The following CUEDC1 variants were observed in gnomAD, a reference collection of about 807,000 sequenced individuals.
The protein encoded by CUEDC1 is CUE domain-containing protein 1.
Under a neutral mutation model 43.7 loss-of-function variants are expected in CUEDC1, and 30 were observed. The observed-to-expected ratio is 0.69, with a 90% CI of 0.51 to 0.93. The LOEUF (loss-of-function observed/expected upper bound fraction) is 0.93. Ranked by LOEUF, CUEDC1 falls within the 40% of genes least tolerant of loss-of-function variation. CUEDC1 has a pLI of 0.00. For missense variants in CUEDC1, 486 were observed against 549.0 expected, an observed-to-expected ratio of 0.89 and a Z score of 1.15; for synonymous variants, 223 against 223.6, an observed-to-expected ratio of 1.00 and a Z score of 0.02.
Position 57,868,155 on chromosome 17 carries a change from A to T in CUEDC1, c.1029T>A (p.His343Gln). 3.1e-6 allele frequency: 5 copies of T among 1,613,630 alleles called. No individual in the cohort carries two copies. Among genetic ancestry groups the T allele is most frequent in the Non-Finnish European group, 2.5e-6 (3 of 1,179,514 alleles). The change falls in exon 8 of 11, where the codon CAT (histidine) becomes CAA (glutamine). Residue 343 changes from histidine to glutamine, a missense_variant. Physicochemically the swap from His to Gln is conservative, Grantham distance 24. Transcript: ENST00000577830. ...RKSKRKHLLK[H>Q]QSLGAAASTA... ...TGCCAGGCTGGAAAGGATACGACTG[A>T]TGCTTCAACAAGTGTTTCCTCTTTG...
chr17:57,921,087 C>T (rs1413471506), intron 1 of CUEDC1, among the ~76,000 whole-genome samples: 1 of 152,258 alleles, frequency 6.6e-6, no homozygotes, highest in Non-Finnish European at 1.5e-5. Flanking sequence ...CAGCCTCTGA[C>T]TGTGGAAAGC....
At chr17:57,887,699 T>TAAC in intron 1 of CUEDC1, among the ~76,000 whole-genome samples, 1 of 118,422 alleles carries the variant, frequency 8.4e-6, no homozygotes, top group Admixed American at 9.7e-5. Context: ...CAGATGGGGT[T>TAAC]TTGCCATGTT....
At chr17:57,880,849 G>T (rs2074194893) in intron 2 of CUEDC1, among the ~76,000 whole-genome samples, 2 of 104,434 alleles carry the variant, frequency 1.9e-5, no homozygotes, top group South Asian at 2.9e-4. Flanking sequence ...CACCATAGGG[G>T]CGGCCCCTGA....
At chr17:57,886,294 T>C (rs932240070) in intron 1 of CUEDC1, among the ~76,000 whole-genome samples, 1 of 152,192 alleles carries the variant, frequency 6.6e-6, no homozygotes, top group African/African-American at 2.4e-5. Context: ...CAAAGACCCC[T>C]GAAGACCTGA....
chr17:57,873,442 G>T, intron 4 of CUEDC1, 149 bp downstream of exon 4: 1 of 911,456 alleles, frequency 1.1e-6, no homozygotes. Context: ...TTTCAGTTCA[G>T]CATTCCTGCC....
intron 1 of CUEDC1, among the ~76,000 whole-genome samples, chr17:57,946,287 C>T (rs528284158): frequency 9.2e-5 from 14 of 152,250 alleles, no homozygotes; most frequent in African/African-American, 3.1e-4. Context: ...TCTCTCTTTT[C>T]AAAATAAAAT....
chr17:57,933,598 C>T (rs908278212), intron 1 of CUEDC1, among the ~76,000 whole-genome samples: 5 of 152,202 alleles, frequency 3.3e-5, no homozygotes, highest in East Asian at 3.8e-4. Context: ...AGCCTTGGAA[C>T]GAGACTGCTC....
intron 1 of CUEDC1, among the ~76,000 whole-genome samples, chr17:57,890,478 T>C (rs2074343335): frequency 6.6e-6 from 1 of 152,102 alleles, no homozygotes; most frequent in Admixed American, 6.5e-5. Context: ...AACAACCCAC[T>C]GGGCTCATCA....
intron 6 of CUEDC1, among the ~76,000 whole-genome samples, chr17:57,869,542 T>C (rs2074008128): frequency 6.6e-6 from 1 of 152,146 alleles, no homozygotes; most frequent in Non-Finnish European, 1.5e-5. Context: ...GCACTACATA[T>C]CAGGCTCCCG....
rs768094888 is a variant in CUEDC1, at chr17:57,872,993, C to G, written c.592-138G>C. ...CTGAGGCTCACACCTCCTAATGGAA[C>G]CTGGTTGCGAGCCAAAATCCAACGG... On this transcript the variant is annotated intron_variant, in intron 4 of 10. Transcript: ENST00000577830. The G allele has an allele frequency of 3.2e-5, 26 of 812,440 alleles. No individual in the cohort carries two copies. The Middle Eastern group carries it at 4.4e-3, about 137-fold the overall frequency. 50.3% of individuals were successfully genotyped at this position (812,440 alleles called of 1,614,324 possible). A position where few individuals can be genotyped will look rare whatever the true frequency, so the allele number is the denominator to read the frequency against.
rs2075041190 is a variant in CUEDC1, at chr17:57,954,839, G to C, written c.-316+386C>G. ...GCGCCCACACAAAAGGGGGAGCGGC[G>C]GGAGAGGGGACTCGGGCGAAGCCGG... is the stretch of plus-strand genomic sequence containing the variant. On this transcript the variant is annotated intron_variant, in intron 1 of 10. Coordinates refer to ENST00000577830, the MANE Select transcript of CUEDC1 (RefSeq NM_001271875.2). This position sits in a 1 kb window ranked among gnomAD's most constrained non-coding sequence, Gnocchi z 4.3. Among the ~76,000 whole-genome samples the C allele has an allele frequency of 6.6e-6, 1 of 151,978 alleles. No homozygotes were observed. Among genetic ancestry groups the C allele is most frequent in the Non-Finnish European group, 1.5e-5 (1 of 67,940 alleles).
intron 1 of CUEDC1, among the ~76,000 whole-genome samples, chr17:57,926,580 G>C (rs2074749489): frequency 6.6e-6 from 1 of 152,126 alleles, no homozygotes. Flanking sequence ...ATCACTTGAG[G>C]CCAAGAGTTC....
At chr17:57,886,624 AAG>A (rs747927017) in intron 1 of CUEDC1, among the ~76,000 whole-genome samples, 1 of 152,122 alleles carries the variant, frequency 6.6e-6, no homozygotes, top group South Asian at 2.1e-4. Flanking sequence ...ACCAGCCCAA[AAG>A]AGAGATGCAA....
chr17:57,874,885 G>T (rs1377881453), intron 3 of CUEDC1, among the ~76,000 whole-genome samples: 4 of 152,124 alleles, frequency 2.6e-5, no homozygotes, highest in East Asian at 3.9e-4. Flanking sequence ...AAGGGGCGGG[G>T]GCGGCAGCAG....
rs557767402 is a variant in CUEDC1, at chr17:57,882,194, T to G, written c.337-2456A>C. 3.3e-5 allele frequency among the ~76,000 whole-genome samples: 5 copies of G among 152,304 alleles called. No homozygotes were observed. The East Asian group carries it at 7.7e-4, about 24-fold the overall frequency. Reference sequence around the variant, plus strand: ...ATCAGCCCCCAGAAAGGGTTTTTTTTTCCAGTCAGCAGTTATTGTCATTCC... The same window carrying G: ...ATCAGCCCCCAGAAAGGGTTTTTTTGTCCAGTCAGCAGTTATTGTCATTCC... On this transcript the variant is annotated intron_variant, in intron 2 of 10. Transcript: ENST00000577830.
At chr17:57,952,920 A>G (rs1269523058) in intron 1 of CUEDC1, among the ~76,000 whole-genome samples, 1 of 150,968 alleles carries the variant, frequency 6.6e-6, no homozygotes, top group African/African-American at 2.4e-5. Context: ...CCTATGCAGC[A>G]GCCCAGGACC....
At chr17:57,887,655 C>CTTTTGTTTTTTT (rs2074308205) in intron 1 of CUEDC1, among the ~76,000 whole-genome samples, 1 of 58,032 alleles carries the variant, frequency 1.7e-5, no homozygotes, top group Non-Finnish European at 2.9e-5. Context: ...CCACGCCTGG[C>CTTTTGTTTTTTT]TTTTTTTTTT....
intron 1 of CUEDC1, among the ~76,000 whole-genome samples, chr17:57,917,094 A>G (rs1366168952): frequency 6.6e-6 from 1 of 152,240 alleles, no homozygotes; most frequent in African/African-American, 2.4e-5. Flanking sequence ...GGGAACCTGA[A>G]CAGTGGAGAA....
At chr17:57,870,157 T>A (rs1422987756) in intron 6 of CUEDC1, among the ~76,000 whole-genome samples, 1 of 152,228 alleles carries the variant, frequency 6.6e-6, no homozygotes, top group Non-Finnish European at 1.5e-5. Flanking sequence ...GCAAGAGCCC[T>A]TCTCCGAGGT....
Sources: allele counts gnomAD v4.1 joint callset (sites outside exome capture counted in the v4.1 genomes callset), GRCh38; gene constraint gnomAD v4.1.1; non-coding constraint Gnocchi (gnomAD v3.1); transcripts MANE v1.5; gene names NCBI Gene and HGNC (gene_info 2026-07-23, HGNC 2026-07-21).